The following FHOD3 variants were observed in gnomAD, a reference collection of about 807,000 sequenced individuals.
FHOD3 encodes the protein formin homology 2 domain containing 3, also known as FH1/FH2 domain-containing protein 3.
Under a neutral mutation model 173.0 loss-of-function variants are expected in FHOD3, and 90 were observed. The observed-to-expected ratio is 0.52, with a 90% CI of 0.44 to 0.62. The LOEUF is 0.62. Among genes scored for constraint, FHOD3 ranks in the 20% least tolerant of loss-of-function variants. FHOD3 has a pLI of 0.00. For synonymous variants in FHOD3, 828 were observed against 823.0 expected (o/e 1.01, Z -0.10); for missense variants, 1,945 against 2,034.7 (o/e 0.96, Z 0.85).
chr18:36,621,507 A>C (rs145919665), intron 9 of FHOD3, among the ~76,000 whole-genome samples: 75 of 152,294 alleles, frequency 4.9e-4, no homozygotes, highest in African/African-American at 1.7e-3. Context: ...TAGTTTATCT[A>C]CTTGGCCTGG....
At chr18:36,322,065 G>A (rs2044426288) in intron 1 of FHOD3, among the ~76,000 whole-genome samples, 2 of 152,186 alleles carry the variant, frequency 1.3e-5, no homozygotes, top group Admixed American at 1.3e-4. Context: ...GTGTGAGCGT[G>A]ACTCCTCTCA....
intron 3 of FHOD3, among the ~76,000 whole-genome samples, chr18:36,400,866 A>C (rs367710603): frequency 6.6e-6 from 1 of 152,236 alleles, no homozygotes; most frequent in African/African-American, 2.4e-5. Context: ...GTGGTCACAA[A>C]AGAAAAAAAG....
At chr18:36,664,790 G>GAGAGAGAC (rs2037053752) in intron 14 of FHOD3, among the ~76,000 whole-genome samples, 1 of 148,038 alleles carries the variant, frequency 6.8e-6, no homozygotes, top group Non-Finnish European at 1.5e-5. Context: ...GAGAGAGAGA[G>GAGAGAGAC]AGAGAGAGAG....
At chr18:36,535,228 G>A (rs931386601) in intron 5 of FHOD3, among the ~76,000 whole-genome samples, 10 of 152,150 alleles carry the variant, frequency 6.6e-5, no homozygotes, top group Non-Finnish European at 1.2e-4. Context: ...CTCTAAGAGT[G>A]AAAATAGCAT....
At chr18:36,558,859 A>T (rs2057988916) in intron 5 of FHOD3, among the ~76,000 whole-genome samples, 1 of 152,222 alleles carries the variant, frequency 6.6e-6, no homozygotes, top group Non-Finnish European at 1.5e-5. Flanking sequence ...CTAAAAACTC[A>T]AAGAGAACGG....
At chr18:36,740,982 A>G (rs576041715) in intron 21 of FHOD3, 144 bp downstream of exon 21, 5 of 749,238 alleles carry the variant, frequency 6.7e-6, no homozygotes, top group African/African-American at 5.3e-5. Flanking sequence ...GGTCGTGTGT[A>G]CACCAAGTGA....
intron 3 of FHOD3, among the ~76,000 whole-genome samples, chr18:36,443,371 A>G (rs186427166): frequency 2.1e-4 from 32 of 152,304 alleles, no homozygotes; most frequent in Non-Finnish European, 3.8e-4. Flanking sequence ...TATCAGTATG[A>G]ACTCATGGAT....
intron 1 of FHOD3, among the ~76,000 whole-genome samples, chr18:36,351,531 A>G (rs1479380706): frequency 6.6e-6 from 1 of 152,166 alleles, no homozygotes; most frequent in African/African-American, 2.4e-5. Flanking sequence ...GAGGGAAGGA[A>G]GTGATTATGT....
chr18:36,337,621 AC>A (rs1327167173), intron 1 of FHOD3, among the ~76,000 whole-genome samples: 8 of 152,148 alleles, frequency 5.3e-5, no homozygotes, highest in Non-Finnish European at 5.9e-5. Flanking sequence ...ATGAGCAAGG[AC>A]CATGCTTGTG....
chr18:36,659,052 T>A (rs900372059), intron 14 of FHOD3, among the ~76,000 whole-genome samples: 1 of 152,182 alleles, frequency 6.6e-6, no homozygotes, highest in Admixed American at 6.5e-5. Flanking sequence ...ACATCAGAGA[T>A]CACTTACCTC....
At chr18:36,562,045 C>G (rs2058105440) in intron 5 of FHOD3, among the ~76,000 whole-genome samples, 1 of 144,564 alleles carries the variant, frequency 6.9e-6, no homozygotes, top group African/African-American at 2.5e-5. Context: ...GAGATGGAGT[C>G]TCACTCTGTT....
intron 19 of FHOD3, among the ~76,000 whole-genome samples, chr18:36,720,260 C>T (rs2040690573): frequency 9.3e-6 from 1 of 107,560 alleles, no homozygotes; most frequent in African/African-American, 3.9e-5. Flanking sequence ...TTTTTTGAGG[C>T]AGAGTCTTGC....
chr18:36,738,988 C>T (rs555626), intron 20 of FHOD3, among the ~76,000 whole-genome samples: 5 of 152,142 alleles, frequency 3.3e-5, no homozygotes, highest in Non-Finnish European at 5.9e-5. Context: ...CTGGTCCCAA[C>T]CCTGATGACC....
intron 9 of FHOD3, among the ~76,000 whole-genome samples, chr18:36,612,990 C>T (rs1203390638): frequency 6.6e-6 from 1 of 152,162 alleles, no homozygotes; most frequent in Non-Finnish European, 1.5e-5. Context: ...GTTGTCATTT[C>T]AGCATAAGTT....
chr18:36,772,729 C>T (rs748725848), intron 28 of FHOD3, among the ~76,000 whole-genome samples: 13 of 152,228 alleles, frequency 8.5e-5, no homozygotes, highest in Non-Finnish European at 1.6e-4. Context: ...CTCAGGTCGG[C>T]TGCTCTCCCA....
At chr18:36,487,241 T>C (rs1186925515) in intron 3 of FHOD3, among the ~76,000 whole-genome samples, 3 of 152,210 alleles carry the variant, frequency 2.0e-5, no homozygotes, top group Admixed American at 6.5e-5. Context: ...TCTAGAGAGG[T>C]TGCAGCATCT....
chr18:36,775,345 G>A (rs1013402379), intron 28 of FHOD3, among the ~76,000 whole-genome samples: 1 of 152,212 alleles, frequency 6.6e-6, no homozygotes, highest in Admixed American at 6.5e-5. Context: ...AAGTTGGGTC[G>A]ATTTCCTGTT....
chr18:36,410,892 A>C (rs1453066911), intron 3 of FHOD3, among the ~76,000 whole-genome samples: 1 of 152,114 alleles, frequency 6.6e-6, no homozygotes, highest in Non-Finnish European at 1.5e-5. Context: ...GGAGTTCTTT[A>C]TATATTCTGG....
chr18:36,749,504 T>C (rs557996626), intron 24 of FHOD3, among the ~76,000 whole-genome samples: 4 of 152,346 alleles, frequency 2.6e-5, no homozygotes, highest in East Asian at 1.9e-4. Flanking sequence ...ACAAAAGACA[T>C]GATCGTGTTC....
Sources: allele counts gnomAD v4.1 joint callset (sites outside exome capture counted in the v4.1 genomes callset), GRCh38; gene constraint gnomAD v4.1.1; transcripts MANE v1.5; gene names NCBI Gene and HGNC (gene_info 2026-07-23, HGNC 2026-07-21).